SCAPER: variants seen among roughly 807,000 people sequenced by gnomAD.
SCAPER encodes the protein S-phase cyclin A associated protein in the ER.
SCAPER carries 98 observed loss-of-function variants against 182.2 expected under a neutral mutation model. That is an observed-to-expected ratio of 0.54 (90% CI 0.46 to 0.64). The LOEUF (loss-of-function observed/expected upper bound fraction) is 0.64. Among genes scored for constraint, SCAPER ranks in the 30% least tolerant of loss-of-function variants. The pLI is 0.00. For missense variants in SCAPER, 1,432 were observed against 1,690.0 expected (o/e 0.85, Z 2.68); for synonymous variants, 605 against 564.6 (o/e 1.07, Z -1.01).
At chr15:76,669,727 T>C (rs548048342) in intron 20 of SCAPER, among the ~76,000 whole-genome samples, 7 of 152,334 alleles carry the variant, frequency 4.6e-5, no homozygotes, top group African/African-American at 1.7e-4. Flanking sequence ...AAACCACGAC[T>C]GGCTGACTTT....
chr15:76,667,926 G>T (rs910574758), intron 20 of SCAPER, among the ~76,000 whole-genome samples: 2 of 151,622 alleles, frequency 1.3e-5, no homozygotes, highest in African/African-American at 4.8e-5. Context: ...TCGTGCCACT[G>T]CACTCCAGCC....
intron 22 of SCAPER, among the ~76,000 whole-genome samples, chr15:76,608,178 C>T (rs2050629831): frequency 1.3e-5 from 2 of 152,072 alleles, no homozygotes; most frequent in Admixed American, 6.5e-5. Context: ...ATGATGGTGA[C>T]GTACAGATGG....
intron 27 of SCAPER, among the ~76,000 whole-genome samples, chr15:76,401,589 T>A (rs2044460802): frequency 6.6e-6 from 1 of 152,188 alleles, no homozygotes; most frequent in African/African-American, 2.4e-5. Context: ...CTAGTCTAGC[T>A]CTTGTAGCCC....
chr15:76,785,622 C>A (rs1298666793), intron 8 of SCAPER, among the ~76,000 whole-genome samples: 1 of 152,166 alleles, frequency 6.6e-6, no homozygotes, highest in African/African-American at 2.4e-5. Context: ...GACTTGGAAT[C>A]AATCTAAATG....
chr15:76,381,259 A>G (rs2042926272), intron 28 of SCAPER, 119 bp downstream of exon 28: 1 of 660,884 alleles, frequency 1.5e-6, no homozygotes, highest in Non-Finnish European at 2.5e-6. Flanking sequence ...ATATATTATA[A>G]TTCCATTTAT....
At chr15:76,717,577 AT>A (rs2059956393) in intron 17 of SCAPER, among the ~76,000 whole-genome samples, 1 of 152,170 alleles carries the variant, frequency 6.6e-6, no homozygotes, top group South Asian at 2.1e-4. Flanking sequence ...TGTGCCAGAA[AT>A]TGTTATCAAC....
At chr15:76,408,632 T>C (rs2045041226) in intron 26 of SCAPER, among the ~76,000 whole-genome samples, 2 of 151,822 alleles carry the variant, frequency 1.3e-5, no homozygotes, top group Non-Finnish European at 2.9e-5. Flanking sequence ...GAAAACCCAG[T>C]TCACTATGTG....
intron 4 of SCAPER, among the ~76,000 whole-genome samples, chr15:76,853,137 G>A (rs2070939811): frequency 6.6e-6 from 1 of 152,062 alleles, no homozygotes; most frequent in Non-Finnish European, 1.5e-5. Context: ...GGAACAAACT[G>A]ATTCTCTAAA....
intron 4 of SCAPER, among the ~76,000 whole-genome samples, chr15:76,855,186 T>TA (rs2071214144): frequency 6.6e-6 from 1 of 152,164 alleles, no homozygotes; most frequent in African/African-American, 2.4e-5. Context: ...AAGGACTCTC[T>TA]ATTCAACAAA....
intron 24 of SCAPER, among the ~76,000 whole-genome samples, chr15:76,486,185 C>T (rs1003094350): frequency 1.5e-4 from 23 of 151,856 alleles, no homozygotes; most frequent in Non-Finnish European, 2.8e-4. Context: ...CCAGCCTGGG[C>T]GACAGAGTGA....
At chr15:76,640,439 G>A (rs571118516) in intron 21 of SCAPER, among the ~76,000 whole-genome samples, 5 of 152,304 alleles carry the variant, frequency 3.3e-5, no homozygotes, top group African/African-American at 1.2e-4. Flanking sequence ...ACATAAGCAA[G>A]CTAAAAGAAC....
chr15:76,818,763 C>T (rs140187764), intron 5 of SCAPER, among the ~76,000 whole-genome samples: 34 of 152,338 alleles, frequency 2.2e-4, no homozygotes, highest in South Asian at 1.7e-3. Flanking sequence ...TGCAGCGCAC[C>T]GTGCGTGAGC....
chr15:76,761,983 A>G (rs1000804252), intron 14 of SCAPER, among the ~76,000 whole-genome samples: 2 of 152,196 alleles, frequency 1.3e-5, no homozygotes, highest in African/African-American at 2.4e-5. Flanking sequence ...AAATATATTT[A>G]AATTGTTGTA....
intron 23 of SCAPER, among the ~76,000 whole-genome samples, chr15:76,534,017 G>A (rs1039095387): frequency 6.6e-6 from 1 of 152,146 alleles, no homozygotes; most frequent in Non-Finnish European, 1.5e-5. Flanking sequence ...GATTAATTCA[G>A]AGCAATATAT....
chr15:76,701,959 G>T, intron 19 of SCAPER, 94 bp from the exon 20 acceptor site: 1 of 755,278 alleles, frequency 1.3e-6, no homozygotes, highest in Non-Finnish European at 2.2e-6. Context: ...TGTGAGTTGA[G>T]ATCCACCTAG....
At chr15:76,708,613 G>A (rs2059396660) in intron 17 of SCAPER, among the ~76,000 whole-genome samples, 1 of 151,968 alleles carries the variant, frequency 6.6e-6, no homozygotes, top group Admixed American at 6.6e-5. Flanking sequence ...GGAAATAAAT[G>A]ATAAACATCA....
chr15:76,485,216 A>G (rs764810817), intron 24 of SCAPER, among the ~76,000 whole-genome samples: 5 of 152,108 alleles, frequency 3.3e-5, no homozygotes, highest in African/African-American at 4.8e-5. Flanking sequence ...GGATACAAAA[A>G]TCAATGTGTA....
chr15:76,802,093 T>C (rs2065837297), intron 6 of SCAPER, among the ~76,000 whole-genome samples: 1 of 152,032 alleles, frequency 6.6e-6, no homozygotes, highest in Non-Finnish European at 1.5e-5. Context: ...TTTTAATGCA[T>C]TGGTGATTAC....
intron 5 of SCAPER, among the ~76,000 whole-genome samples, chr15:76,819,694 G>A (rs889218541): frequency 1.1e-4 from 17 of 152,154 alleles, no homozygotes; most frequent in Non-Finnish European, 2.1e-4. Context: ...TCCTCCAAAG[G>A]AACGCAGCTC....
Sources: gnomAD v4.1 joint callset for allele counts (sites outside exome capture counted in the v4.1 genomes callset) on GRCh38, gnomAD v4.1.1 for gene constraint, MANE v1.5 for transcripts, NCBI Gene and HGNC (gene_info 2026-07-23, HGNC 2026-07-21) for gene names.